AGK: variants seen among roughly 807,000 people sequenced by gnomAD.
AGK encodes acylglycerol kinase, mitochondrial.
Under a neutral mutation model 66.4 loss-of-function variants are expected in AGK, and 52 were observed. The ratio of observed to expected loss-of-function variants is 0.78; its 90% confidence interval spans 0.63 to 0.99. AGK has a LOEUF of 0.99. Ranked by LOEUF, AGK falls within the 50% of genes least tolerant of loss-of-function variation. The probability of loss-of-function intolerance (pLI) is 0.00; values close to 1 mark genes in which losing one functional copy is unlikely to be tolerated. For synonymous variants in AGK, 182 were observed against 181.1 expected, an observed-to-expected ratio of 1.00 and a Z score of -0.04; for missense variants, 451 against 506.6, an observed-to-expected ratio of 0.89 and a Z score of 1.05.
chr7:141,632,918 C>T (rs1797089165), intron 9 of AGK, among the ~76,000 whole-genome samples: 1 of 152,204 alleles, frequency 6.6e-6, no homozygotes, highest in Non-Finnish European at 1.5e-5. Flanking sequence ...AAGCAAGTGA[C>T]CTGCTTTTGG....
rs1302976191 is a variant in AGK, at chr7:141,633,943, T to C, written c.631T>C (p.Trp211Arg). ...QPVFAMTGLR[W>R]GSFRDAGVKV... ...TGTATTTGCAATGACCGGCCTTCGA[T>C]GGGGATCTTTCAGAGATGCTGGCGT... Residue 211 changes from tryptophan (W) to arginine (R), a missense_variant, in exon 10 of 16, where the codon TGG becomes CGG. Physicochemically the swap from Trp to Arg is moderately radical, Grantham distance 101. Transcript: ENST00000649286. 3.7e-6 allele frequency: 6 copies of C among 1,614,030 alleles called. No homozygotes were observed. The highest frequency in any genetic ancestry group is 3.3e-5 in the South Asian group (3 of 91,078).
At chr7:141,649,165 T>C (rs1454780395) in intron 13 of AGK, 98 bp from the exon 14 acceptor site, 1 of 714,266 alleles carries the variant, frequency 1.4e-6, no homozygotes, top group African/African-American at 1.8e-5. Context: ...CCTATCTATA[T>C]ATAGCTTCAA....
At chr7:141,569,000 A>G (rs1795530736) in intron 2 of AGK, among the ~76,000 whole-genome samples, 1 of 152,198 alleles carries the variant, frequency 6.6e-6, no homozygotes, top group Non-Finnish European at 1.5e-5. Context: ...CAAGTGTGCT[A>G]CTGTAGCAAT....
intron 14 of AGK, 93 bp downstream of exon 14, chr7:141,649,426 G>C: frequency 1.1e-6 from 1 of 938,594 alleles, no homozygotes; most frequent in Non-Finnish European, 1.7e-6. Context: ...CAGAAATCCA[G>C]CCAAAGCCTT....
intron 10 of AGK, among the ~76,000 whole-genome samples, chr7:141,634,602 G>C (rs188895109): frequency 6.6e-6 from 1 of 152,332 alleles, no homozygotes; most frequent in African/African-American, 2.4e-5. Flanking sequence ...GAGAGAGGGT[G>C]TGTCATGTTC....
intron 7 of AGK, 57 bp downstream of exon 7, chr7:141,614,235 CT>C: frequency 1.6e-6 from 2 of 1,248,242 alleles, no homozygotes; most frequent in Non-Finnish European, 2.2e-6. Context: ...TTTTTTATTG[CT>C]TTTCTTTCTT....
chr7:141,574,309 C>T (rs1795683843), intron 2 of AGK, among the ~76,000 whole-genome samples: 1 of 152,108 alleles, frequency 6.6e-6, no homozygotes, highest in African/African-American at 2.4e-5. Context: ...AGAGCTTTGC[C>T]TGATGGTGGT....
At chr7:141,553,253 T>A (rs955333350) in intron 1 of AGK, among the ~76,000 whole-genome samples, 3 of 152,148 alleles carry the variant, frequency 2.0e-5, no homozygotes, top group African/African-American at 7.2e-5. Context: ...GACCCAATTA[T>A]CTCCCGAAGG....
intron 9 of AGK, among the ~76,000 whole-genome samples, chr7:141,625,485 G>A (rs994028826): frequency 3.9e-5 from 6 of 152,060 alleles, no homozygotes; most frequent in African/African-American, 1.4e-4. Flanking sequence ...AAGTAGCTGG[G>A]ACTATAGGCC....
chr7:141,580,592 G>A (rs1029094631), intron 2 of AGK, among the ~76,000 whole-genome samples: 17 of 151,970 alleles, frequency 1.1e-4, no homozygotes, highest in African/African-American at 4.1e-4. Flanking sequence ...ATATGTGTCA[G>A]GTGTGAGGAA....
intron 2 of AGK, among the ~76,000 whole-genome samples, chr7:141,574,996 T>C (rs534161735): frequency 6.6e-6 from 1 of 152,360 alleles, no homozygotes; most frequent in Non-Finnish European, 1.5e-5. Flanking sequence ...TTTTGGCTAA[T>C]AAGTGTTCTT....
chr7:141,616,133 G>C (rs1397088289), intron 8 of AGK: 1 of 152,140 alleles, frequency 6.6e-6, no homozygotes, highest in African/African-American at 2.4e-5. Flanking sequence ...CAAGCAAATT[G>C]TTGTTATTAT....
At chr7:141,558,183 A>C (rs1013120027) in intron 2 of AGK, among the ~76,000 whole-genome samples, 6 of 151,290 alleles carry the variant, frequency 4.0e-5, no homozygotes, top group Non-Finnish European at 5.9e-5. Flanking sequence ...TTTGAGACGG[A>C]GTCCTGCTCT....
intron 2 of AGK, among the ~76,000 whole-genome samples, chr7:141,567,614 G>T (rs1795500533): frequency 6.6e-6 from 1 of 152,190 alleles, no homozygotes; most frequent in African/African-American, 2.4e-5. Flanking sequence ...AGGAGAAAAT[G>T]ACCCTGTTTG....
rs914911659 is a variant in AGK at position 141,637,136 on chromosome 7, T to C, written c.726+119T>C. ...AGATGAATGTGGCATGCTTCAACAC[T>C]AAAACAGGGCATGTTTGATTAAATA... On this transcript the variant is annotated intron_variant, in intron 11 of 15. Coordinates refer to ENST00000649286, the MANE Select transcript of AGK (RefSeq NM_018238.4). 1.5e-5 allele frequency: 11 copies of C among 726,502 alleles called. No individual in the cohort carries two copies. The African/African-American group carries it at 1.9e-4, about 13-fold the overall frequency. 45.0% of individuals were successfully genotyped at this position (726,502 alleles called of 1,614,324 possible). A position where few individuals can be genotyped will look rare whatever the true frequency, so the allele number is the denominator to read the frequency against.
chr7:141,615,547 A>G lies in AGK; in HGVS notation c.500A>G (p.Glu167Gly). Residue 167 changes from glutamate (E) to glycine (G), a missense_variant, in exon 8 of 16, where the codon GAA becomes GGA. Physicochemically the swap from Glu to Gly is moderately conservative, Grantham distance 98 (BLOSUM62 -2). Transcript: ENST00000649286. Reference protein sequence around the residue: ...TSSLSHTLFAESGNKVQHITD... With the variant: ...TSSLSHTLFAGSGNKVQHITD... ...AGTTTGAGTCATACCCTCTTTGCCG[A>G]AAGTGGAAACAAAGTCCAGTAGGTT... 1 of 1,613,830 alleles carries G rather than the reference A, an allele frequency of 6.2e-7. No individual in the cohort carries two copies. The highest frequency in any genetic ancestry group is 1.7e-5 in the Admixed American group (1 of 60,018).
intron 9 of AGK, among the ~76,000 whole-genome samples, chr7:141,625,686 A>T (rs942041962): frequency 1.2e-4 from 18 of 152,138 alleles, no homozygotes; most frequent in African/African-American, 3.9e-4. Flanking sequence ...AATGATTTTT[A>T]CCTGTGTGTA....
chr7:141,571,117 T>C (rs954496398), intron 2 of AGK, among the ~76,000 whole-genome samples: 1 of 152,208 alleles, frequency 6.6e-6, no homozygotes, highest in African/African-American at 2.4e-5. Flanking sequence ...TTGCATTCAT[T>C]TTTGATTTTG....
At position 141,654,002 on chromosome 7, in the gene AGK, A is replaced by G. The variant is rs751287914; in HGVS notation, c.*1078A>G. 9 of 152,286 alleles carry G rather than the reference A, an allele frequency of 5.9e-5. No homozygotes were observed. The highest frequency in any genetic ancestry group is 1.2e-4 in the Non-Finnish European group (8 of 68,020). 9.4% of individuals were successfully genotyped at this position (152,286 alleles called of 1,614,324 possible). On this transcript the variant is annotated 3_prime_UTR_variant, in exon 16 of 16. Transcript: ENST00000649286. The stretch of plus-strand genomic sequence containing the variant: ...AGTTCTTTAGTAGTTAAACATTTCA[A>G]ATTGGCTTTTCTCCTTCTGTATTTC...
Sources: allele counts gnomAD v4.1 joint callset (sites outside exome capture counted in the v4.1 genomes callset), GRCh38; gene constraint gnomAD v4.1.1; transcripts MANE v1.5; gene names NCBI Gene and HGNC (gene_info 2026-07-23, HGNC 2026-07-21).